ADAM19: variants seen among roughly 807,000 people sequenced by gnomAD.
The protein encoded by ADAM19 is disintegrin and metalloproteinase domain-containing protein 19.
A neutral mutation model predicts 114.7 loss-of-function variants in ADAM19; 65 were observed. That is an observed-to-expected ratio of 0.57 (90% CI 0.46 to 0.70). The LOEUF is 0.70. ADAM19 is among the 30% of genes least tolerant of loss of function. The pLI is 0.00. For missense variants in ADAM19, 1,063 were observed against 1,204.7 expected (o/e 0.88, Z 1.74); for synonymous variants, 466 against 460.5 (o/e 1.01, Z -0.15).
At chr5:157,549,125 G>T (rs1181955293) in intron 3 of ADAM19, among the ~76,000 whole-genome samples, 1 of 152,166 alleles carries the variant, frequency 6.6e-6, no homozygotes, top group Non-Finnish European at 1.5e-5. Context: ...TGGGAGGAAA[G>T]CTACTTCTCT....
At chr5:157,499,964 C>G (rs117638688) in intron 12 of ADAM19, among the ~76,000 whole-genome samples, 2 of 150,474 alleles carry the variant, frequency 1.3e-5, no homozygotes, top group Admixed American at 6.6e-5. Flanking sequence ...TTTTTAATAG[C>G]GATTGGGTTT....
chr5:157,567,535 C>T (rs372827227), intron 2 of ADAM19, among the ~76,000 whole-genome samples: 18 of 152,332 alleles, frequency 1.2e-4, no homozygotes, highest in South Asian at 2.1e-4. Flanking sequence ...CGGTGGCTCA[C>T]GCCTGTAATC....
chr5:157,493,218 G>C (rs745655106), intron 15 of ADAM19, 41 bp from the exon 16 acceptor site: 1 of 1,599,926 alleles, frequency 6.3e-7, no homozygotes, highest in South Asian at 1.1e-5. Flanking sequence ...CGGAATCAGA[G>C]GCAGAGGAAG....
chr5:157,556,797 G>T (rs377179912), intron 3 of ADAM19, among the ~76,000 whole-genome samples: 5 of 152,122 alleles, frequency 3.3e-5, no homozygotes, highest in South Asian at 4.1e-4. Flanking sequence ...TCATTCAAAG[G>T]GTTGCCATGA....
At chr5:157,542,631 C>T (rs959093581) in intron 3 of ADAM19, among the ~76,000 whole-genome samples, 4 of 152,152 alleles carry the variant, frequency 2.6e-5, no homozygotes, top group Non-Finnish European at 4.4e-5. Context: ...GACAACAGGG[C>T]GAAAGCCCGT....
At chr5:157,540,665 G>C (rs1405163721) in intron 3 of ADAM19, among the ~76,000 whole-genome samples, 1 of 152,184 alleles carries the variant, frequency 6.6e-6, no homozygotes, top group Non-Finnish European at 1.5e-5. Flanking sequence ...TTCTGTGAAT[G>C]AGTGAATAAA....
intron 11 of ADAM19, among the ~76,000 whole-genome samples, chr5:157,503,398 C>T (rs11466773): frequency 0.05 from 7,601 of 151,392 alleles, 250 homozygotes; most frequent in Middle Eastern, 0.092. Flanking sequence ...ATGTAAATGA[C>T]GAGTTAATGG....
In ADAM19 at chr5:157,575,583, C is replaced by G. The variant is rs548210773; in HGVS notation, c.94+20G>C. 2.7e-6 allele frequency: 4 copies of G among 1,455,264 alleles called. No homozygotes were observed. The highest frequency in any genetic ancestry group is 2.6e-5 in the South Asian group (2 of 75,732). The allele number at this position is 1,455,264 out of a possible 1,614,324, so 90.1% of individuals were successfully genotyped here. On this transcript the variant is annotated intron_variant, in intron 1 of 22. Coordinates refer to ENST00000257527, the MANE Select transcript of ADAM19 (RefSeq NM_033274.5). ...TCTCCGGGCCACCCAGCCTCCATCC[C>G]CCCGCGCCTGGCCACTTACTTGTCC...
Position 157,534,410 on chromosome 5 carries a change from T to G in ADAM19, c.330+3503A>C, listed in dbSNP as rs776458291. Among the ~76,000 whole-genome samples, 12 of 152,218 alleles carry G rather than the reference T, an allele frequency of 7.9e-5. 1 individual carries two copies. The highest frequency in any genetic ancestry group is 6.5e-4 in the Admixed American group (10 of 15,272). ...TTGAATCCGGGAGGCAGAGGTTGCA[T>G]TGAGTCAAGATTACGCTACTGCACT... On this transcript the variant is annotated intron_variant, in intron 4 of 22. Coordinates refer to ENST00000257527, the MANE Select transcript of ADAM19 (RefSeq NM_033274.5).
chr5:157,570,557 AGTAT>A, intron 2 of ADAM19: 1 of 188,462 alleles, frequency 5.3e-6, no homozygotes, highest in South Asian at 1.1e-4. Context: ...AAGAAAATGA[AGTAT>A]GTATTATGCA....
At chr5:157,551,863 A>G (rs930114496) in intron 3 of ADAM19, among the ~76,000 whole-genome samples, 1 of 152,206 alleles carries the variant, frequency 6.6e-6, no homozygotes, top group Admixed American at 6.5e-5. Context: ...GCAAATCAAT[A>G]CCACAACAAG....
chr5:157,563,547 A>G (rs1757570678), intron 3 of ADAM19, among the ~76,000 whole-genome samples: 1 of 152,188 alleles, frequency 6.6e-6, no homozygotes, highest in Non-Finnish European at 1.5e-5. Context: ...GGCTGCCAAG[A>G]GGAGACAGGC....
At chr5:157,540,366 TAGTTCATTCCAGG>T (rs1756884680) in intron 3 of ADAM19, among the ~76,000 whole-genome samples, 1 of 152,190 alleles carries the variant, frequency 6.6e-6, no homozygotes. Context: ...CAGAGTTTAA[TAGTTCATTCCAGG>T]TGCCAGTGGG....
chr5:157,526,159 CATAT>C (rs72086157), intron 5 of ADAM19, among the ~76,000 whole-genome samples: 50 of 147,144 alleles, frequency 3.4e-4, no homozygotes, highest in African/African-American at 8.1e-4. Context: ...TTCATATATA[CATAT>C]ATATATATAT....
intron 1 of ADAM19, among the ~76,000 whole-genome samples, chr5:157,573,675 A>C (rs1757891853): frequency 6.6e-6 from 1 of 151,908 alleles, no homozygotes; most frequent in Admixed American, 6.6e-5. Context: ...GAACCCAGGA[A>C]GCAGAGACTG....
At chr5:157,518,726 A>G in intron 7 of ADAM19, 97 bp downstream of exon 7, 2 of 1,020,072 alleles carry the variant, frequency 2.0e-6, no homozygotes, top group South Asian at 1.3e-5. Flanking sequence ...AACTGGAGAA[A>G]GATGAATGGG....
chr5:157,556,362 G>A (rs1237333244), intron 3 of ADAM19, among the ~76,000 whole-genome samples: 5 of 151,652 alleles, frequency 3.3e-5, no homozygotes, highest in South Asian at 4.2e-4. Context: ...GGGACTACAG[G>A]GGCGCACCAC....
intron 2 of ADAM19, among the ~76,000 whole-genome samples, chr5:157,565,493 C>A (rs1319185498): frequency 6.7e-6 from 1 of 149,320 alleles, no homozygotes; most frequent in Non-Finnish European, 1.5e-5. Context: ...CCGAGGCAGG[C>A]AGATCAGGAG....
intron 19 of ADAM19, 109 bp from the exon 20 acceptor site, chr5:157,489,295 C>G (rs933549127): frequency 5.2e-6 from 4 of 774,352 alleles, no homozygotes; most frequent in Non-Finnish European, 9.0e-6. Context: ...AAATCTTTCC[C>G]AAGTCTGCTC....
Sources: allele counts gnomAD v4.1 joint callset (sites outside exome capture counted in the v4.1 genomes callset), GRCh38; gene constraint gnomAD v4.1.1; transcripts MANE v1.5; gene names NCBI Gene and HGNC (gene_info 2026-07-23, HGNC 2026-07-21).